The following NECAB1 variants were observed in gnomAD, a reference collection of about 807,000 sequenced individuals.
The protein encoded by NECAB1 is N-terminal EF-hand calcium-binding protein 1.
In NECAB1, 29 loss-of-function variants were observed where a neutral mutation model predicts 57.5. That is an observed-to-expected ratio of 0.50 (90% CI 0.38 to 0.69). The LOEUF (loss-of-function observed/expected upper bound fraction) is 0.69. Among genes scored for constraint, NECAB1 ranks in the 30% least tolerant of loss-of-function variants. The pLI, the probability that NECAB1 is intolerant of heterozygous loss-of-function variation, is 0.00. For missense variants in NECAB1, 372 were observed against 413.8 expected, an observed-to-expected ratio of 0.90 and a Z score of 0.88; for synonymous variants, 142 against 147.7, an observed-to-expected ratio of 0.96 and a Z score of 0.28.
intron 2 of NECAB1, among the ~76,000 whole-genome samples, chr8:90,819,072 T>C (rs1317421941): frequency 6.6e-6 from 1 of 151,976 alleles, no homozygotes; most frequent in Non-Finnish European, 1.5e-5. Flanking sequence ...TTTCTTCAGC[T>C]GTGTCAAGTC....
chr8:90,928,419 A>T, intron 8 of NECAB1, 120 bp downstream of exon 8: 1 of 651,672 alleles, frequency 1.5e-6, no homozygotes, highest in Non-Finnish European at 2.4e-6. Flanking sequence ...GATCCCAATG[A>T]TTCTATGAAT....
At chr8:90,854,390 C>G (rs73695843) in intron 3 of NECAB1, among the ~76,000 whole-genome samples, 7,104 of 152,176 alleles carry the variant, frequency 0.047, 575 homozygotes, top group African/African-American at 0.16. Flanking sequence ...TCTGGGTACT[C>G]TCATTAACAG....
intron 5 of NECAB1, among the ~76,000 whole-genome samples, chr8:90,882,966 A>C (rs754337541): frequency 1.9e-4 from 29 of 152,200 alleles, no homozygotes; most frequent in Non-Finnish European, 7.4e-5. Flanking sequence ...CTCCTGAAAG[A>C]AAAATTGCTC....
At chr8:90,806,879 G>A (rs1253600063) in intron 2 of NECAB1, 1 of 152,120 alleles carries the variant, frequency 6.6e-6, no homozygotes, top group Non-Finnish European at 1.5e-5. Context: ...TTTTTTAAGT[G>A]AAGCAAATGA....
chr8:90,896,194 T>G (rs544309690), intron 5 of NECAB1, among the ~76,000 whole-genome samples: 1 of 152,270 alleles, frequency 6.6e-6, no homozygotes, highest in Admixed American at 6.5e-5. Context: ...GCTTCTTCTT[T>G]TGGAAAATCA....
rs145718685 is a variant in NECAB1, at chr8:90,934,441, T to G, written c.747+84T>G. The G allele has an allele frequency of 1.1e-4, 95 of 897,688 alleles. No homozygotes were observed. The African/African-American group carries it at 1.3e-3, about 12-fold the overall frequency. The allele number at this position is 897,688 out of a possible 1,614,324, so 55.6% of individuals were successfully genotyped here. The stretch of plus-strand genomic sequence containing the variant: ...TTTCTTCAAAAATTAGTTATCTCAA[T>G]GAAAAATTGAAAAACCAAGTAGTCG... On this transcript the variant is annotated intron_variant, in intron 9 of 12. Transcript: ENST00000417640.
intron 3 of NECAB1, among the ~76,000 whole-genome samples, chr8:90,842,414 G>C (rs2129747647): frequency 6.6e-6 from 1 of 152,286 alleles, no homozygotes; most frequent in Admixed American, 6.5e-5. Flanking sequence ...AAGATAGGTG[G>C]AGGGTAGGAG....
chr8:90,916,770 G>A (rs1193806953), intron 5 of NECAB1, among the ~76,000 whole-genome samples: 4 of 152,226 alleles, frequency 2.6e-5, no homozygotes, highest in South Asian at 2.1e-4. Flanking sequence ...CATCTACCTT[G>A]AGTAAGCTTG....
rs143906289 is a variant in NECAB1 at position 90,854,674 on chromosome 8, A to G, written c.234-17454A>G. Among the ~76,000 whole-genome samples, 524 of 152,288 alleles carry G rather than the reference A, an allele frequency of 3.4e-3. 4 individuals are homozygous for G. The highest frequency in any genetic ancestry group is 0.012 in the African/African-American group (492 of 41,560). ...TTCAGTGAGCAAATACTCCAAAGCT[A>G]TGTGGTTATCTAAAACTACTCTAGC... is the stretch of plus-strand genomic sequence containing the variant. On this transcript the variant is annotated intron_variant, in intron 3 of 12. Coordinates refer to ENST00000417640, the MANE Select transcript of NECAB1 (RefSeq NM_022351.5).
chr8:90,938,229 C>T (rs1204852087), intron 9 of NECAB1, among the ~76,000 whole-genome samples: 1 of 152,108 alleles, frequency 6.6e-6, no homozygotes, highest in Non-Finnish European at 1.5e-5. Context: ...ACTATTTAGT[C>T]CAAGACATTC....
intron 2 of NECAB1, chr8:90,806,469 C>T (rs1811848788): frequency 6.6e-6 from 1 of 152,124 alleles, no homozygotes; most frequent in Non-Finnish European, 1.5e-5. Context: ...TCAAACAAAG[C>T]ACTGTTGTTA....
chr8:90,925,611 A>G lies in NECAB1; in HGVS notation c.571A>G (p.Asn191Asp). ...KRSSRRVQRHNSFSPNSPQFN... is the reference protein window; with the variant it reads ...KRSSRRVQRHDSFSPNSPQFN... Reference sequence around the variant, plus strand: ...ATCAAGCCGCCGAGTCCAGAGACACAACAGCTTCTCCCCAAACAGCCCTCA... The same window carrying G: ...ATCAAGCCGCCGAGTCCAGAGACACGACAGCTTCTCCCCAAACAGCCCTCA... Residue 191 changes from asparagine (N) to aspartate (D), a missense_variant, in exon 7 of 13, where the codon AAC becomes GAC. Transcript: ENST00000417640. The G allele has an allele frequency of 6.2e-7, 1 of 1,613,808 alleles. No individual in the cohort carries two copies. The highest frequency in any genetic ancestry group is 8.5e-7 in the Non-Finnish European group (1 of 1,179,816).
intron 5 of NECAB1, among the ~76,000 whole-genome samples, chr8:90,888,465 A>G (rs776934071): frequency 3.3e-5 from 5 of 152,142 alleles, no homozygotes; most frequent in Admixed American, 6.6e-5. Flanking sequence ...ATTAAATTTG[A>G]TATGACTCAT....
intron 3 of NECAB1, among the ~76,000 whole-genome samples, chr8:90,847,369 T>G (rs1239845876): frequency 6.6e-6 from 1 of 152,248 alleles, no homozygotes; most frequent in Non-Finnish European, 1.5e-5. Context: ...CCTGTGGCTT[T>G]GCAGGGTACA....
intron 5 of NECAB1, among the ~76,000 whole-genome samples, chr8:90,913,545 A>T (rs542782191): frequency 6.6e-6 from 1 of 152,254 alleles, no homozygotes; most frequent in East Asian, 1.9e-4. Context: ...TGTCTGTAGG[A>T]GTTCTTTCTG....
chr8:90,816,713 C>G (rs1416828224), intron 2 of NECAB1, among the ~76,000 whole-genome samples: 1 of 151,760 alleles, frequency 6.6e-6, no homozygotes, highest in Admixed American at 6.6e-5. Flanking sequence ...CAATACAACA[C>G]TGGTTAAATT....
chr8:90,871,920 G>T lies in NECAB1; in HGVS notation c.234-208G>T, dbSNP rs1586073552. Among the ~76,000 whole-genome samples the T allele has an allele frequency of 1.3e-5, 2 of 152,060 alleles. 1 individual carries two copies. Among genetic ancestry groups the T allele is most frequent in the East Asian group, 3.9e-4 (2 of 5,194 alleles). On this transcript the variant is annotated intron_variant, in intron 3 of 12. Transcript: ENST00000417640. Reference sequence around the variant, plus strand: ...GTTGCAGAGGAAAATATAAATCTCAGGAATTATTTGTCCGAAGAATCTGAC... The same window carrying T: ...GTTGCAGAGGAAAATATAAATCTCATGAATTATTTGTCCGAAGAATCTGAC...
intron 2 of NECAB1, among the ~76,000 whole-genome samples, chr8:90,814,604 A>G (rs1812026608): frequency 6.6e-6 from 1 of 152,160 alleles, no homozygotes; most frequent in African/African-American, 2.4e-5. Context: ...TTATAATCCA[A>G]TATTACTCAA....
chr8:90,910,106 C>T (rs1447111876), intron 5 of NECAB1, among the ~76,000 whole-genome samples: 2 of 151,786 alleles, frequency 1.3e-5, no homozygotes, highest in Admixed American at 6.6e-5. Context: ...GACTTAATTT[C>T]GGAAATAATA....
Sources: allele counts gnomAD v4.1 joint callset (sites outside exome capture counted in the v4.1 genomes callset), GRCh38; gene constraint gnomAD v4.1.1; transcripts MANE v1.5; gene names NCBI Gene and HGNC (gene_info 2026-07-23, HGNC 2026-07-21).